The following PHF21A variants were observed in gnomAD, a reference collection of about 807,000 sequenced individuals.
PHF21A encodes the protein BHC80a.
A neutral mutation model predicts 82.5 loss-of-function variants in PHF21A; 11 were observed. The ratio of observed to expected loss-of-function variants is 0.13; its 90% CI spans 0.08 to 0.22. The LOEUF is 0.22. PHF21A is among the 10% of genes least tolerant of loss of function. The pLI, the probability that PHF21A is intolerant of heterozygous loss-of-function variation, is 1.00. For missense variants in PHF21A, 579 were observed against 837.8 expected (o/e 0.69, Z 3.81); for synonymous variants, 297 against 302.8 (o/e 0.98, Z 0.20).
intron 3 of PHF21A, among the ~76,000 whole-genome samples, chr11:46,089,760 G>A (rs558775292): frequency 1.5e-5 from 2 of 135,072 alleles, no homozygotes; most frequent in South Asian, 2.3e-4. Flanking sequence ...ATGTCTGAAT[G>A]TATGTGAGTA....
chr11:46,109,213 G>C (rs1378503285), intron 1 of PHF21A, among the ~76,000 whole-genome samples: 2 of 152,144 alleles, frequency 1.3e-5, no homozygotes, highest in African/African-American at 4.8e-5. Flanking sequence ...TTACCTATGT[G>C]ATCCGAGGGA....
At chr11:46,117,078 T>C (rs1388595556) in intron 1 of PHF21A, 2 of 152,254 alleles carry the variant, frequency 1.3e-5, no homozygotes, top group Non-Finnish European at 2.9e-5. Context: ...TCTGTCCATG[T>C]ATTAATTAGT....
intron 6 of PHF21A, among the ~76,000 whole-genome samples, chr11:45,986,994 T>G (rs921374565): frequency 2.6e-5 from 4 of 152,110 alleles, no homozygotes; most frequent in Admixed American, 2.6e-4. Flanking sequence ...AGGATATATA[T>G]CCCTGTGGAA....
At chr11:45,994,214 G>A (rs951621817) in intron 6 of PHF21A, among the ~76,000 whole-genome samples, 2 of 152,056 alleles carry the variant, frequency 1.3e-5, no homozygotes, top group African/African-American at 4.8e-5. Flanking sequence ...ATTTAGACTG[G>A]GTAAAGTGTT....
chr11:45,972,660 T>G (rs552993395), intron 7 of PHF21A, among the ~76,000 whole-genome samples: 5 of 152,280 alleles, frequency 3.3e-5, no homozygotes, highest in African/African-American at 1.2e-4. Context: ...GTGCCTGTAA[T>G]CCCAGCACTT....
intron 10 of PHF21A, among the ~76,000 whole-genome samples, chr11:45,954,150 C>T (rs921812527): frequency 1.3e-4 from 20 of 152,136 alleles, no homozygotes; most frequent in African/African-American, 4.8e-4. Context: ...GCACCCGCTA[C>T]CACACCCAGC....
At chr11:45,944,925 G>T (rs535252284) in intron 15 of PHF21A, among the ~76,000 whole-genome samples, 1 of 152,122 alleles carries the variant, frequency 6.6e-6, no homozygotes, top group African/African-American at 2.4e-5. Flanking sequence ...CGCCATGCCC[G>T]GCTAATTTTT....
intron 6 of PHF21A, among the ~76,000 whole-genome samples, chr11:46,043,936 T>C (rs1324280063): frequency 3.3e-5 from 5 of 152,188 alleles, no homozygotes; most frequent in Admixed American, 6.5e-5. Context: ...TTAAATTATA[T>C]ACTTAATGAT....
At chr11:46,052,058 G>A (rs571849308) in intron 6 of PHF21A, among the ~76,000 whole-genome samples, 11 of 152,298 alleles carry the variant, frequency 7.2e-5, no homozygotes, top group Non-Finnish European at 1.6e-4. Context: ...AGATGATCCA[G>A]GAGTAGCATA....
At chr11:46,097,826 A>AAC (rs139102461) in intron 1 of PHF21A, among the ~76,000 whole-genome samples, 3,206 of 151,842 alleles carry the variant, frequency 0.021, 41 homozygotes, top group Middle Eastern at 0.034. Flanking sequence ...CCCTAACTAG[A>AAC]ACACACACAC....
At chr11:46,071,649 T>A (rs2096657602) in intron 6 of PHF21A, among the ~76,000 whole-genome samples, 1 of 151,950 alleles carries the variant, frequency 6.6e-6, no homozygotes, top group Non-Finnish European at 1.5e-5. Flanking sequence ...TCATCACACA[T>A]CTAGGAATTT....
chr11:45,982,433 T>C (rs1221867922), intron 6 of PHF21A, among the ~76,000 whole-genome samples: 1 of 152,168 alleles, frequency 6.6e-6, no homozygotes, highest in African/African-American at 2.4e-5. Context: ...GCAGAAACTA[T>C]CTGCAGAATA....
Position 46,027,500 on chromosome 11 carries a change from A to G in PHF21A, c.154-47534T>C, listed in dbSNP as rs111551282. ...CTGGGATGGGAAAACAGTACTACCT[A>G]CACCTGAATGCAGATGCCTGCACAG... On this transcript the variant is annotated intron_variant, in intron 6 of 18. Coordinates refer to ENST00000676320, the MANE Select transcript of PHF21A (RefSeq NM_001352027.3). 9.5e-4 allele frequency among the ~76,000 whole-genome samples: 144 copies of G among 152,350 alleles called. 1 individual carries two copies. Among genetic ancestry groups the G allele is most frequent in the African/African-American group, 3.4e-3 (143 of 41,588 alleles).
At chr11:46,068,370 A>G (rs1408478632) in intron 6 of PHF21A, among the ~76,000 whole-genome samples, 1 of 152,182 alleles carries the variant, frequency 6.6e-6, no homozygotes, top group Non-Finnish European at 1.5e-5. Context: ...GATTTTTTGA[A>G]AGCATACATA....
rs2091812138 is a variant in PHF21A, at chr11:45,949,472, C to G, written c.1157G>C (p.Ser386Thr). The G allele has an allele frequency of 6.2e-7, 1 of 1,613,946 alleles. No individual in the cohort carries two copies. The highest frequency in any genetic ancestry group is 8.5e-7 in the Non-Finnish European group (1 of 1,179,910). Residue 386 changes from serine to threonine, a missense_variant, in exon 13 of 19, where the codon AGC becomes ACC. By Grantham distance (58) the Ser-to-Thr change is moderately conservative. This residue lies in a region of PHF21A where 410 missense variants were observed against 642.1 expected (regional missense o/e 0.64). Transcript: ENST00000676320. ...VTHDHLEEIQ[S>T]KRQERKRRTT... ...TCTTCTTTTTCGCTCTTGCCTCTTG[C>G]TTTGGATTTCTTGAGAGAAGAAAAG...
At chr11:46,012,596 CTGTGAAGATTA>C (rs1043168420) in intron 6 of PHF21A, among the ~76,000 whole-genome samples, 23 of 152,296 alleles carry the variant, frequency 1.5e-4, no homozygotes, top group Non-Finnish European at 2.9e-4. Flanking sequence ...CCTCAAAGGG[CTGTGAAGATTA>C]AATGAGGTAA....
chr11:46,088,570 T>C (rs955454018), intron 3 of PHF21A, among the ~76,000 whole-genome samples: 2 of 152,238 alleles, frequency 1.3e-5, no homozygotes, highest in African/African-American at 2.4e-5. Context: ...ACTTACTCAC[T>C]GTGTGACTAC....
intron 1 of PHF21A, among the ~76,000 whole-genome samples, chr11:46,105,141 T>G (rs1401559450): frequency 6.6e-6 from 1 of 152,234 alleles, no homozygotes; most frequent in African/African-American, 2.4e-5. Flanking sequence ...GGAAGTCATT[T>G]GGCCACAGTC....
At chr11:46,110,822 G>A (rs1273280045) in intron 1 of PHF21A, among the ~76,000 whole-genome samples, 1 of 143,250 alleles carries the variant, frequency 7.0e-6, no homozygotes, top group African/African-American at 2.7e-5. Flanking sequence ...GTCTTGCTCT[G>A]TCTCCCAGGC....
Sources: allele counts gnomAD v4.1 joint callset (sites outside exome capture counted in the v4.1 genomes callset), GRCh38; gene constraint gnomAD v4.1.1; regional missense constraint gnomAD v4.1.1; transcripts MANE v1.5; gene names NCBI Gene and HGNC (gene_info 2026-07-23, HGNC 2026-07-21).